MYO1E: variants seen among roughly 807,000 people sequenced by gnomAD.
The protein encoded by MYO1E is unconventional myosin-Ie.
In MYO1E, 68 loss-of-function variants were observed where a neutral mutation model predicts 151.1. That is an observed-to-expected ratio of 0.45 (90% CI 0.37 to 0.55). MYO1E has a LOEUF of 0.55. Among genes scored for constraint, MYO1E ranks in the 20% least tolerant of loss-of-function variants. The pLI, the probability that MYO1E is intolerant of heterozygous loss-of-function variation, is 0.00. For missense variants in MYO1E, 1,363 were observed against 1,389.3 expected (o/e 0.98, Z 0.30); for synonymous variants, 601 against 501.7 (o/e 1.20, Z -2.64).
At chr15:59,212,584 G>C (rs114461770) in intron 12 of MYO1E, 1 of 152,134 alleles carries the variant, frequency 6.6e-6, no homozygotes, top group Non-Finnish European at 1.5e-5. Context: ...CCTGGGTTTA[G>C]AGTGAACTTG....
rs2080815285 is a variant in MYO1E at position 59,350,002 on chromosome 15, G to C, written c.3+22496C>G. Among the ~76,000 whole-genome samples, 1 of 152,220 alleles carries C rather than the reference G, an allele frequency of 6.6e-6. No homozygotes were observed. The highest frequency in any genetic ancestry group is 2.1e-4 in the South Asian group (1 of 4,830). On this transcript the variant is annotated intron_variant, in intron 1 of 27. Transcript: ENST00000288235. This position sits in a 1 kb window ranked among gnomAD's most constrained non-coding sequence, Gnocchi z 5.0. ...GGTAGTCAGAAAGGAGGGGTGGCTA[G>C]AACAGAGCCTCAGCCACAACCAGGT...
intron 1 of MYO1E, among the ~76,000 whole-genome samples, chr15:59,310,283 G>C (rs1193363349): frequency 2.6e-5 from 4 of 152,156 alleles, no homozygotes; most frequent in African/African-American, 9.7e-5. Context: ...TATCTGTTGT[G>C]GGTTGCACTG....
intron 26 of MYO1E, among the ~76,000 whole-genome samples, chr15:59,152,717 C>T (rs2079488970): frequency 6.6e-6 from 1 of 152,196 alleles, no homozygotes; most frequent in South Asian, 2.1e-4. Context: ...GACAAGGAAA[C>T]TGAAGCTCAG....
intron 16 of MYO1E, among the ~76,000 whole-genome samples, chr15:59,198,373 C>T (rs565220220): frequency 6.6e-6 from 1 of 152,200 alleles, no homozygotes; most frequent in Non-Finnish European, 1.5e-5. Flanking sequence ...GAGATGACAG[C>T]AGGCCTGACT....
At chr15:59,194,424 C>T (rs1160857599) in intron 17 of MYO1E, among the ~76,000 whole-genome samples, 11 of 152,176 alleles carry the variant, frequency 7.2e-5, no homozygotes, top group African/African-American at 2.7e-4. Flanking sequence ...CATCTATCTG[C>T]CATGGTTTAG....
intron 1 of MYO1E, among the ~76,000 whole-genome samples, chr15:59,338,650 A>G (rs1404935214): frequency 6.6e-6 from 1 of 152,116 alleles, no homozygotes; most frequent in African/African-American, 2.4e-5. Context: ...GGGAGTTTCA[A>G]CTATTGCTAA....
chr15:59,278,889 C>T (rs187531271), intron 1 of MYO1E, among the ~76,000 whole-genome samples: 1 of 152,224 alleles, frequency 6.6e-6, no homozygotes, highest in Non-Finnish European at 1.5e-5. Context: ...ATAATTTCTG[C>T]ACTATTTTAC....
chr15:59,367,021 A>G (rs891715737), intron 1 of MYO1E, among the ~76,000 whole-genome samples: 17 of 122,606 alleles, frequency 1.4e-4, no homozygotes, highest in Admixed American at 4.9e-4. Flanking sequence ...AAAAAAAAAA[A>G]AGAGATGACT....
intron 22 of MYO1E, 94 bp downstream of exon 22, chr15:59,171,803 G>T: frequency 6.6e-7 from 1 of 1,519,144 alleles, no homozygotes; most frequent in South Asian, 1.1e-5. Flanking sequence ...CAGCTGGGAA[G>T]CCCAGCCCGG....
intron 1 of MYO1E, among the ~76,000 whole-genome samples, chr15:59,353,543 G>T (rs11853436): frequency 6.6e-6 from 1 of 151,654 alleles, no homozygotes; most frequent in Non-Finnish European, 1.5e-5. Flanking sequence ...GATTACCTGA[G>T]GTCAGGAGTT....
At chr15:59,149,352 G>T (rs375239774) in intron 26 of MYO1E, among the ~76,000 whole-genome samples, 1 of 152,066 alleles carries the variant, frequency 6.6e-6, no homozygotes, top group African/African-American at 2.4e-5. Flanking sequence ...CACCGCGCCC[G>T]GCCTGGATGA....
rs771104107 is a variant in MYO1E, at chr15:59,224,673, CT to C, written c.777+15del. ...TTGGGAGAGCAGATCCTGCCTGGCC[CT>C]GCGCCAGCACTTACCAGAGTTTCCT... On this transcript the variant is annotated intron_variant, in intron 8 of 27. Transcript: ENST00000288235. The C allele has an allele frequency of 2.2e-4, 359 of 1,614,036 alleles. No individual in the cohort carries two copies. The highest frequency in any genetic ancestry group is 2.8e-4 in the Non-Finnish European group (331 of 1,180,028).
intron 1 of MYO1E, among the ~76,000 whole-genome samples, chr15:59,305,955 C>T (rs769268539): frequency 1.3e-5 from 2 of 152,160 alleles, no homozygotes; most frequent in Non-Finnish European, 2.9e-5. Flanking sequence ...AACCAGACAA[C>T]TGCAGAGCTA....
At chr15:59,333,825 C>A (rs974367140) in intron 1 of MYO1E, among the ~76,000 whole-genome samples, 4 of 152,202 alleles carry the variant, frequency 2.6e-5, no homozygotes, top group Non-Finnish European at 2.9e-5. Context: ...CACTATGCAT[C>A]TAAGTAAACA....
At chr15:59,334,860 C>T (rs1471921500) in intron 1 of MYO1E, among the ~76,000 whole-genome samples, 1 of 152,188 alleles carries the variant, frequency 6.6e-6, no homozygotes, top group Non-Finnish European at 1.5e-5. Flanking sequence ...ATCAGACTGG[C>T]ATATATGTCT....
At chr15:59,162,314 G>A (rs1197904789) in intron 23 of MYO1E, among the ~76,000 whole-genome samples, 1 of 152,190 alleles carries the variant, frequency 6.6e-6, no homozygotes, top group Non-Finnish European at 1.5e-5. Flanking sequence ...CAGTATGCCA[G>A]CCAGTACCTG....
At chr15:59,242,835 C>T (rs949076145) in intron 4 of MYO1E, among the ~76,000 whole-genome samples, 1 of 152,182 alleles carries the variant, frequency 6.6e-6, no homozygotes, top group Admixed American at 6.5e-5. Flanking sequence ...GAATGCATGA[C>T]CTGAGCCTGG....
At chr15:59,182,512 C>T (rs1186554223) in intron 18 of MYO1E, among the ~76,000 whole-genome samples, 1 of 152,136 alleles carries the variant, frequency 6.6e-6, no homozygotes, top group Non-Finnish European at 1.5e-5. Flanking sequence ...TCTTGCCCAG[C>T]CCCAGTATTC....
chr15:59,191,332 C>CAGACAGAGAGAGAGAGAG, intron 17 of MYO1E, among the ~76,000 whole-genome samples: 1 of 105,746 alleles, frequency 9.5e-6, no homozygotes, highest in African/African-American at 3.4e-5. Flanking sequence ...CAGACAGAGA[C>CAGACAGAGAGAGAGAGAG]AGAGAGAGAG....
Sources: allele counts gnomAD v4.1 joint callset (sites outside exome capture counted in the v4.1 genomes callset), GRCh38; gene constraint gnomAD v4.1.1; non-coding constraint Gnocchi (gnomAD v3.1); transcripts MANE v1.5; gene names NCBI Gene and HGNC (gene_info 2026-07-23, HGNC 2026-07-21).